Variants in BMPR1B observed in about 807,000 individuals in gnomAD.
The protein encoded by BMPR1B is bone morphogenetic protein receptor type-1B.
BMPR1B carries 12 observed loss-of-function variants against 59.1 expected under a neutral mutation model. The observed-to-expected ratio is 0.20, with a 90% CI of 0.13 to 0.33. The LOEUF is 0.33. BMPR1B is among the 10% of genes least tolerant of loss of function. The pLI is 1.00. For synonymous variants in BMPR1B, 237 were observed against 207.3 expected (o/e 1.14, Z -1.23); for missense variants, 550 against 610.9 (o/e 0.90, Z 1.05).
chr4:94,804,150 T>A (rs1295763751), intron 1 of BMPR1B, among the ~76,000 whole-genome samples: 1 of 152,216 alleles, frequency 6.6e-6, no homozygotes, highest in Non-Finnish European at 1.5e-5. Context: ...AGTGCTGGGA[T>A]TACAGGCGTG....
chr4:94,948,411 CCAG>C (rs1729799329), intron 2 of BMPR1B, among the ~76,000 whole-genome samples: 1 of 152,102 alleles, frequency 6.6e-6, no homozygotes, highest in Admixed American at 6.6e-5. Flanking sequence ...GAGTCTGTGA[CCAG>C]AAATTCTCAG....
intron 1 of BMPR1B, among the ~76,000 whole-genome samples, chr4:94,822,568 C>G (rs1724245864): frequency 1.3e-5 from 2 of 152,082 alleles, no homozygotes; most frequent in Non-Finnish European, 1.5e-5. Flanking sequence ...ATGGCCAACT[C>G]CCTTCTCCCT....
chr4:94,797,179 G>A (rs1488349424), intron 1 of BMPR1B, among the ~76,000 whole-genome samples: 1 of 152,184 alleles, frequency 6.6e-6, no homozygotes, highest in South Asian at 2.1e-4. Flanking sequence ...ATCAAATCTC[G>A]TGAGACTTAT....
At chr4:94,839,767 G>T (rs1724976578) in intron 1 of BMPR1B, among the ~76,000 whole-genome samples, 1 of 137,716 alleles carries the variant, frequency 7.3e-6, no homozygotes, top group African/African-American at 2.8e-5. Context: ...TACATTTAAA[G>T]TTAATATTGT....
chr4:95,012,520 C>T (rs1442913528), intron 3 of BMPR1B, among the ~76,000 whole-genome samples: 2 of 152,114 alleles, frequency 1.3e-5, no homozygotes, highest in Admixed American at 1.3e-4. Flanking sequence ...TTGAATGATT[C>T]ATTTCTAATC....
At chr4:94,991,334 A>G (rs1246295848) in intron 2 of BMPR1B, among the ~76,000 whole-genome samples, 3 of 152,182 alleles carry the variant, frequency 2.0e-5, no homozygotes, top group Non-Finnish European at 4.4e-5. Context: ...TTGCTCATAA[A>G]TGTTTATTTT....
At position 95,067,369 on chromosome 4, in the gene BMPR1B, A is replaced by C. The variant is rs190671337; in HGVS notation, c.-17-37039A>C. ...CCTCTTAATCTTGTTATTTATCAGTAACACATGATGTGTTGGCATCTTCTG... is the reference window on the plus strand; with the variant it reads ...CCTCTTAATCTTGTTATTTATCAGTCACACATGATGTGTTGGCATCTTCTG... On this transcript the variant is annotated intron_variant, in intron 3 of 12. Coordinates refer to ENST00000515059, the MANE Select transcript of BMPR1B (RefSeq NM_001203.3). Among the ~76,000 whole-genome samples the C allele has an allele frequency of 1.4e-4, 21 of 152,318 alleles. 1 individual carries two copies. In the East Asian group the frequency reaches 3.9e-3, roughly 28 times the overall value.
intron 3 of BMPR1B, among the ~76,000 whole-genome samples, chr4:95,083,706 A>G (rs1007794992): frequency 6.6e-6 from 1 of 152,272 alleles, no homozygotes; most frequent in Admixed American, 6.5e-5. Flanking sequence ...CCTTCAACCC[A>G]AAGATACCTT....
At chr4:95,106,020 T>TA (rs1283368949) in intron 4 of BMPR1B, among the ~76,000 whole-genome samples, 1 of 152,072 alleles carries the variant, frequency 6.6e-6, no homozygotes, top group Admixed American at 6.6e-5. Context: ...ATAAGCCATT[T>TA]GGATGTCCTA....
At chr4:94,867,699 CT>C (rs1476603236) in intron 1 of BMPR1B, among the ~76,000 whole-genome samples, 2 of 152,164 alleles carry the variant, frequency 1.3e-5, no homozygotes, top group Non-Finnish European at 2.9e-5. Context: ...TTTACAATTT[CT>C]GGAGCAAATT....
At chr4:95,090,274 T>C (rs912897001) in intron 3 of BMPR1B, among the ~76,000 whole-genome samples, 1 of 151,816 alleles carries the variant, frequency 6.6e-6, no homozygotes, top group African/African-American at 2.4e-5. Context: ...CTTTAATATA[T>C]ATATTTAAAT....
intron 1 of BMPR1B, among the ~76,000 whole-genome samples, chr4:94,815,503 A>G (rs1249829102): frequency 1.3e-5 from 2 of 152,180 alleles, no homozygotes; most frequent in Non-Finnish European, 2.9e-5. Flanking sequence ...CATCTTACCA[A>G]ATTTCTTTCA....
intron 1 of BMPR1B, among the ~76,000 whole-genome samples, chr4:94,796,555 T>G (rs1312731212): frequency 6.6e-6 from 1 of 152,150 alleles, no homozygotes; most frequent in African/African-American, 2.4e-5. Context: ...TTTTTAAGTT[T>G]GAAGTTGAGT....
chr4:95,154,714 G>C lies in BMPR1B; in HGVS notation c.*41G>C, dbSNP rs1408040182. ...AAGCATCTCTGCAGAAAGCCAACAG[G>C]TACTCTTCTGTTTGTGGGCAGAGCA... On this transcript the variant is annotated 3_prime_UTR_variant, in exon 13 of 13. Transcript: ENST00000515059. 5 of 1,611,090 alleles carry C rather than the reference G, an allele frequency of 3.1e-6. No homozygotes were observed. The highest frequency in any genetic ancestry group is 4.2e-6 in the Non-Finnish European group (5 of 1,177,618).
intron 10 of BMPR1B, among the ~76,000 whole-genome samples, chr4:95,137,027 T>C (rs1733846530): frequency 6.6e-6 from 1 of 152,230 alleles, no homozygotes; most frequent in African/African-American, 2.4e-5. Flanking sequence ...AGATCTTTCC[T>C]GCTTTCTTTT....
At chr4:94,962,054 TTTC>T in intron 2 of BMPR1B, among the ~76,000 whole-genome samples, 1 of 147,392 alleles carries the variant, frequency 6.8e-6, no homozygotes, top group Non-Finnish European at 1.5e-5. Context: ...TCTTTCTTTC[TTTC>T]TTTTCTTTCT....
intron 2 of BMPR1B, among the ~76,000 whole-genome samples, chr4:94,935,729 C>T (rs918671111): frequency 6.6e-6 from 1 of 152,140 alleles, no homozygotes; most frequent in Non-Finnish European, 1.5e-5. Flanking sequence ...TCAGTTATTG[C>T]CAGCCACTTT....
chr4:94,910,847 G>C (rs1181695327), intron 2 of BMPR1B, among the ~76,000 whole-genome samples: 1 of 152,080 alleles, frequency 6.6e-6, no homozygotes, highest in African/African-American at 2.4e-5. Flanking sequence ...AGGAGTTTGA[G>C]GTTATAGAGA....
At chr4:95,037,938 G>C (rs779322911) in intron 3 of BMPR1B, among the ~76,000 whole-genome samples, 12 of 152,132 alleles carry the variant, frequency 7.9e-5, no homozygotes, top group Non-Finnish European at 1.5e-4. Flanking sequence ...TGGGGCTGAG[G>C]GGGAGACAGT....
Sources: allele counts gnomAD v4.1 joint callset (sites outside exome capture counted in the v4.1 genomes callset), GRCh38; gene constraint gnomAD v4.1.1; transcripts MANE v1.5; gene names NCBI Gene and HGNC (gene_info 2026-07-23, HGNC 2026-07-21).